SLC29A1: variants seen among roughly 807,000 people sequenced by gnomAD.
The protein encoded by SLC29A1 is equilibrative nucleoside transporter 1.
A neutral mutation model predicts 48.3 loss-of-function variants in SLC29A1; 22 were observed. The observed-to-expected ratio is 0.46, with a 90% confidence interval of 0.33 to 0.65. SLC29A1 has a LOEUF of 0.65. Ranked by LOEUF, SLC29A1 falls within the 30% of genes least tolerant of loss-of-function variation. SLC29A1 has a pLI of 0.03. For missense variants in SLC29A1, 491 were observed against 575.3 expected, an observed-to-expected ratio of 0.85 and a Z score of 1.50; for synonymous variants, 228 against 231.0, an observed-to-expected ratio of 0.99 and a Z score of 0.12.
Position 44,232,432 on chromosome 6 carries a change from A to G in SLC29A1, c.1059+4A>G. 1.9e-6 allele frequency: 3 copies of G among 1,604,174 alleles called. No homozygotes were observed. The highest frequency in any genetic ancestry group is 2.6e-6 in the Non-Finnish European group (3 of 1,171,330). ...CCTCACAGCTGTATTCATGTGGGTA[A>G]GTGGAGGAAGAGGGCCCCAGGCCCC... On this transcript the variant is annotated splice_donor_region_variant and intron_variant, in intron 11 of 12. Transcript: ENST00000371755. The surrounding 1 kb of genome is among the most constrained non-coding windows in gnomAD (Gnocchi z 4.7).
chr6:44,227,008 A>T (rs932602807), intron 1 of SLC29A1: 1 of 1,245,786 alleles, frequency 8.0e-7, no homozygotes, highest in Non-Finnish European at 1.0e-6. Context: ...CTGGATAAAA[A>T]TAGCGGTGGC....
intron 1 of SLC29A1, chr6:44,227,033 G>C: frequency 7.7e-7 from 1 of 1,303,270 alleles, no homozygotes; most frequent in East Asian, 3.1e-5. Context: ...GCCAGGCCGG[G>C]AGCCAGGTAG....
At chr6:44,223,580 G>T (rs1379232937), upstream of SLC29A1, 1 of 1,212,506 alleles carries the variant, frequency 8.2e-7, no homozygotes, top group Non-Finnish European at 1.1e-6. The surrounding 1 kb of genome is among the most constrained non-coding windows in gnomAD (Gnocchi z 5.0). Flanking sequence ...TGCCCCGGCG[G>T]GAGAGGGAAG....
chr6:44,230,061 G>A lies in SLC29A1; in HGVS notation c.454+15G>A. 6.2e-7 allele frequency: 1 copy of A among 1,603,514 alleles called. No individual in the cohort carries two copies. The highest frequency in any genetic ancestry group is 8.5e-7 in the Non-Finnish European group (1 of 1,179,950). On this transcript the variant is annotated intron_variant, in intron 5 of 12. Transcript: ENST00000371755. ...GCTCATTAATTGTAAGCTGGGCCAG[G>A]AGGGGGCCTATGGGAGGAGGCATGC...
In SLC29A1 at chr6:44,230,602, CT is replaced by C; in HGVS notation, c.627del (p.Phe209LeufsTer10). The C allele has an allele frequency of 6.2e-7, 1 of 1,601,934 alleles. No individual in the cohort carries two copies. Among genetic ancestry groups the C allele is most frequent in the Non-Finnish European group, 8.5e-7 (1 of 1,174,784 alleles). On this transcript the variant is annotated frameshift_variant, in exon 7 of 13. Transcript: ENST00000371755. LOFTEE classifies it high-confidence loss of function. ...SELSESAFGYFITACAVIILT... is the reference protein window; with the variant it reads ...SELSESAFGYXITACAVIILT... ...AGCTATCAGAAAGTGCCTTCGGCTA[CT>C]TTATCACAGCCTGTGCTGTTATCAT...
In SLC29A1 at chr6:44,232,554, G is replaced by A; in HGVS notation, c.1059+126G>A. 1 of 689,816 alleles carries A rather than the reference G, an allele frequency of 1.4e-6. No individual in the cohort carries two copies. Among genetic ancestry groups the A allele is most frequent in the East Asian group, 2.6e-5 (1 of 38,758 alleles). 42.7% of individuals were successfully genotyped at this position (689,816 alleles called of 1,614,324 possible). ...GTTTTAAAGTCGAGGCATAATTTAT[G>A]TATAGTTAAGTACAAGTCTTAAGTG... On this transcript the variant is annotated intron_variant, in intron 11 of 12. Coordinates refer to ENST00000371755, the MANE Select transcript of SLC29A1 (RefSeq NM_001372327.1). The surrounding 1 kb of genome is among the most constrained non-coding windows in gnomAD (Gnocchi z 4.7).
chr6:44,230,128 A>G, intron 5 of SLC29A1, 82 bp downstream of exon 5: 1 of 1,567,278 alleles, frequency 6.4e-7, no homozygotes, highest in Non-Finnish European at 8.7e-7. Context: ...CGTTAGCCAG[A>G]GAGAAGCCCA....
chr6:44,221,505 A>G, upstream of SLC29A1: 5 of 680,836 alleles, frequency 7.3e-6, no homozygotes, highest in Non-Finnish European at 1.1e-5. This position sits in a 1 kb window ranked among gnomAD's most constrained non-coding sequence, Gnocchi z 4.2. Flanking sequence ...GGGCCAAGCC[A>G]CGGTCCCATA....
intron 2 of SLC29A1, among the ~76,000 whole-genome samples, chr6:44,228,286 A>G (rs1273563454): frequency 6.6e-6 from 1 of 152,164 alleles, no homozygotes; most frequent in East Asian, 1.9e-4. Context: ...TGCACAGCTC[A>G]GTCATTTCCC....
rs760502341 is a variant in SLC29A1, at chr6:44,232,007, C to A, written c.874C>A (p.Leu292Met). ...TACCCCTTCTATCTAGATCTCAGTC[C>A]TGGCTTTCTCTGTCTGCTTCATCTT... ...IKAILKNISV[L>M]AFSVCFIFTI... Residue 292 changes from leucine to methionine, a missense_variant, in exon 10 of 13, where the codon CTG becomes ATG. By Grantham distance (15) the Leu-to-Met change is conservative. Coordinates refer to ENST00000371755, the MANE Select transcript of SLC29A1 (RefSeq NM_001372327.1). This position sits in a 1 kb window ranked among gnomAD's most constrained non-coding sequence, Gnocchi z 4.7. 1.9e-6 allele frequency: 3 copies of A among 1,613,140 alleles called. No homozygotes were observed. Among genetic ancestry groups the A allele is most frequent in the Non-Finnish European group, 2.5e-6 (3 of 1,179,212 alleles).
At chr6:44,230,539 C>T (rs765795324) in intron 6 of SLC29A1, 29 bp from the exon 7 acceptor site, 1 of 1,613,810 alleles carries the variant, frequency 6.2e-7, no homozygotes, top group South Asian at 1.1e-5. Context: ...GGGGATGGGG[C>T]CTGTCTCTGA....
At position 44,233,403 on chromosome 6, in the gene SLC29A1, C is replaced by G; in HGVS notation, c.1260-14C>G. The G allele has an allele frequency of 1.9e-6, 3 of 1,607,754 alleles. No individual in the cohort carries two copies. The highest frequency in any genetic ancestry group is 2.6e-6 in the Non-Finnish European group (3 of 1,174,130). On this transcript the variant is annotated splice_polypyrimidine_tract_variant and intron_variant, in intron 12 of 12. Transcript: ENST00000371755. Reference sequence around the variant, plus strand: ...GCCATTCTGAGGTAGCCTTGCCCTTCCTTCCCCGCTTAGGAAAGTGAAGCC... The same window carrying G: ...GCCATTCTGAGGTAGCCTTGCCCTTGCTTCCCCGCTTAGGAAAGTGAAGCC...
chr6:44,233,574 C>T lies in SLC29A1; in HGVS notation c.*46C>T. ...TGCCTGCCTCCCTCCCTGTCTGCCT[C>T]CTGCCCCTTCCTTCTGCCAGGGGTG... is the stretch of plus-strand genomic sequence containing the variant. On this transcript the variant is annotated 3_prime_UTR_variant, in exon 13 of 13. Transcript: ENST00000371755. 1.4e-6 allele frequency: 2 copies of T among 1,448,506 alleles called. No homozygotes were observed. Among genetic ancestry groups the T allele is most frequent in the South Asian group, 2.3e-5 (2 of 87,598 alleles). 89.7% of individuals were successfully genotyped at this position (1,448,506 alleles called of 1,614,324 possible). A position where few individuals can be genotyped will look rare whatever the true frequency, so the allele number is the denominator to read the frequency against.
Position 44,232,319 on chromosome 6 carries a change from C to G in SLC29A1, c.974-24C>G, listed in dbSNP as rs761272606. On this transcript the variant is annotated intron_variant, in intron 10 of 12. Transcript: ENST00000371755. The surrounding 1 kb of genome is among the most constrained non-coding windows in gnomAD (Gnocchi z 4.7). ...ATACCTGCCTCTGTGAGCCTGATAA[C>G]CACCCGTTCATCTCCTCTTCCAGAA... 1.7e-5 allele frequency: 27 copies of G among 1,551,108 alleles called. No individual in the cohort carries two copies. In the African/African-American group the frequency reaches 3.4e-4, roughly 20 times the overall value.
At chr6:44,223,532 C>CAGGGCGGGGCGAGCTCAGCGG, upstream of SLC29A1, 1 of 1,138,450 alleles carries the variant, frequency 8.8e-7, no homozygotes, top group Non-Finnish European at 1.1e-6. The surrounding 1 kb of genome is among the most constrained non-coding windows in gnomAD (Gnocchi z 5.0). Flanking sequence ...GCAGTGGGCG[C>CAGGGCGGGGCGAGCTCAGCGG]AGGGCGGGGC....
chr6:44,228,699 A>G (rs1778141924), intron 2 of SLC29A1, among the ~76,000 whole-genome samples: 2 of 152,242 alleles, frequency 1.3e-5, no homozygotes, highest in Non-Finnish European at 2.9e-5. Flanking sequence ...GCCTTGAGGT[A>G]TAGGGCTTGG....
rs72555353 is a variant in SLC29A1 at position 44,229,719 on chromosome 6, A to G, written c.242A>G (p.Asn81Ser). 1.4e-3 allele frequency: 2,294 copies of G among 1,614,014 alleles called. 4 individuals are homozygous for G. The highest frequency in any genetic ancestry group is 1.7e-3 in the Non-Finnish European group (2,030 of 1,180,038). ...CGGAACTCTCTCAGTGCCATCTTCA[A>G]CAATGTCATGACCCTATGTGCCATG... ...PERNSLSAIF[N>S]NVMTLCAMLP... The change falls in exon 4 of 13, where the codon AAC becomes AGC. Residue 81 changes from asparagine to serine, a missense_variant. By Grantham distance (46) the Asn-to-Ser change is conservative. Transcript: ENST00000371755. The surrounding 1 kb of genome is among the most constrained non-coding windows in gnomAD (Gnocchi z 5.1).
rs1161534079 is a variant in SLC29A1, at chr6:44,229,974, A to G, written c.382A>G (p.Ile128Val). The G allele has an allele frequency of 4.3e-6, 7 of 1,613,000 alleles. No homozygotes were observed. Among genetic ancestry groups the G allele is most frequent in the Non-Finnish European group, 5.9e-6 (7 of 1,180,020 alleles). Residue 128 changes from isoleucine to valine, a missense_variant, in exon 5 of 13, where the codon ATC becomes GTC. Physicochemically the swap from Ile to Val is conservative, Grantham distance 29. Coordinates refer to ENST00000371755, the MANE Select transcript of SLC29A1 (RefSeq NM_001372327.1). The surrounding 1 kb of genome is among the most constrained non-coding windows in gnomAD (Gnocchi z 5.1). ...AILLVFLITA[I>V]LVKVQLDALP... The stretch of plus-strand genomic sequence containing the variant: ...CCTGCTGGTGTTTCTGATCACTGCC[A>G]TCCTGGTGAAGGTGCAGCTGGATGC...
intron 12 of SLC29A1, 30 bp downstream of exon 12, chr6:44,233,036 C>A: frequency 6.2e-7 from 1 of 1,602,122 alleles, no homozygotes; most frequent in Non-Finnish European, 8.5e-7. Context: ...AACTTGGTGG[C>A]ATCAGACAGG....
Sources: allele counts gnomAD v4.1 joint callset (sites outside exome capture counted in the v4.1 genomes callset), GRCh38; gene constraint gnomAD v4.1.1; non-coding constraint Gnocchi (gnomAD v3.1); transcripts MANE v1.5; gene names NCBI Gene and HGNC (gene_info 2026-07-23, HGNC 2026-07-21).